PFN1: variants seen among roughly 807,000 people sequenced by gnomAD.
PFN1 encodes profilin-1.
PFN1 carries 2 observed loss-of-function variants against 11.7 expected under a neutral mutation model. The ratio of observed to expected loss-of-function variants is 0.17; its 90% CI spans 0.07 to 0.54. The LOEUF (loss-of-function observed/expected upper bound fraction) is 0.54, where lower values mean the gene tolerates loss of function less well. Among genes scored for constraint, PFN1 ranks in the 20% least tolerant of loss-of-function variants. PFN1 has a pLI of 0.94. For missense variants in PFN1, 97 were observed against 188.4 expected (o/e 0.51, Z 2.84); for synonymous variants, 78 against 76.2 (o/e 1.02, Z -0.12).
chr17:4,946,535 G>T, intron 2 of PFN1, 93 bp downstream of exon 2: 1 of 940,460 alleles, frequency 1.1e-6, no homozygotes. Context: ...CCTTCATGTT[G>T]GGGAATCACA....
At chr17:4,946,052 C>G in intron 2 of PFN1, 55 bp from the exon 3 acceptor site, 3 of 1,323,970 alleles carry the variant, frequency 2.3e-6, no homozygotes, top group Non-Finnish European at 3.3e-6. Context: ...CAATTCCACC[C>G]CCTGCCAGCT....
chr17:4,948,126 C>A (rs1389002895), intron 1 of PFN1, 137 bp downstream of exon 1: 4 of 1,020,488 alleles, frequency 3.9e-6, no homozygotes, highest in Non-Finnish European at 5.4e-6. Context: ...GTGCAGCCGC[C>A]ATTCGCGCCG....
At chr17:4,947,997 C>G (rs1971443624) in intron 1 of PFN1, 2 of 373,772 alleles carry the variant, frequency 5.4e-6, no homozygotes, top group African/African-American at 4.2e-5. Context: ...CCGGGCGCCG[C>G]GCCCCTCCCC....
Position 4,945,828 on chromosome 17 carries a change from G to A in PFN1, c.*72C>T. 1 of 1,026,762 alleles carries A rather than the reference G, an allele frequency of 9.7e-7. No individual in the cohort carries two copies. The highest frequency in any genetic ancestry group is 1.3e-5 in the South Asian group (1 of 78,122). 63.6% of individuals were successfully genotyped at this position (1,026,762 alleles called of 1,614,324 possible). ...GGGGTAATGGCCCAAAAAATAAAAT[G>A]GTTTGTGTGTGTATGGGGAGGAAAG... On this transcript the variant is annotated 3_prime_UTR_variant, in exon 3 of 3. Coordinates refer to ENST00000225655, the MANE Select transcript of PFN1 (RefSeq NM_005022.4).
At chr17:4,948,031 C>G in intron 1 of PFN1, 1 of 456,826 alleles carries the variant, frequency 2.2e-6, no homozygotes, top group Non-Finnish European at 3.8e-6. Flanking sequence ...GATGTAACGC[C>G]CCGTCGCGGA....
intron 2 of PFN1, 75 bp downstream of exon 2, chr17:4,946,553 G>A: frequency 7.9e-7 from 1 of 1,259,164 alleles, no homozygotes; most frequent in Non-Finnish European, 1.1e-6. Context: ...ACACAAAAAA[G>A]CACCCTCAAG....
chr17:4,947,690 G>A (rs1971434258), intron 1 of PFN1, among the ~76,000 whole-genome samples: 1 of 152,144 alleles, frequency 6.6e-6, no homozygotes, highest in Non-Finnish European at 1.5e-5. Context: ...TTCCGGGATT[G>A]GCCTCGCAGG....
At chr17:4,948,149 G>GCACC in intron 1 of PFN1, 114 bp downstream of exon 1, 1 of 1,257,026 alleles carries the variant, frequency 8.0e-7, no homozygotes, top group Admixed American at 2.9e-5. Flanking sequence ...TCCAGGGCAA[G>GCACC]CACCCAGTCA....
chr17:4,946,488 C>T (rs1321591387), intron 2 of PFN1, 140 bp downstream of exon 2: 17 of 648,594 alleles, frequency 2.6e-5, no homozygotes, highest in Non-Finnish European at 3.7e-5. Context: ...CGTGTTCCAG[C>T]ATCCAGCAGA....
At position 4,945,831 on chromosome 17, in the gene PFN1, TTG is replaced by T. The variant is rs1470503988; in HGVS notation, c.*67_*68del. 8 of 1,041,526 alleles carry T rather than the reference TTG, an allele frequency of 7.7e-6. No individual in the cohort carries two copies. Among genetic ancestry groups the T allele is most frequent in the Non-Finnish European group, 1.2e-5 (8 of 662,544 alleles). The allele number at this position is 1,041,526 out of a possible 1,614,324, so 64.5% of individuals were successfully genotyped here. On this transcript the variant is annotated 3_prime_UTR_variant, in exon 3 of 3. Coordinates refer to ENST00000225655, the MANE Select transcript of PFN1 (RefSeq NM_005022.4). Reference sequence around the variant, plus strand: ...GTAATGGCCCAAAAAATAAAATGGTTTGTGTGTGTATGGGGAGGAAAGGGGTG... The same window carrying T: ...GTAATGGCCCAAAAAATAAAATGGTTTGTGTGTATGGGGAGGAAAGGGGTG...
intron 2 of PFN1, among the ~76,000 whole-genome samples, chr17:4,946,361 ACTC>A (rs779985402): frequency 2.6e-5 from 4 of 151,946 alleles, no homozygotes; most frequent in Admixed American, 2.6e-4. Flanking sequence ...ATCTACCTAT[ACTC>A]CTAGAAAACA....
intron 1 of PFN1, among the ~76,000 whole-genome samples, chr17:4,947,705 T>C (rs1971434819): frequency 6.6e-6 from 1 of 152,062 alleles, no homozygotes; most frequent in Non-Finnish European, 1.5e-5. Context: ...CGCAGGAATG[T>C]TGAATCCAAC....
intron 1 of PFN1, 117 bp downstream of exon 1, chr17:4,948,146 C>T: frequency 8.1e-7 from 1 of 1,242,224 alleles, no homozygotes; most frequent in South Asian, 1.6e-5. Context: ...GCTTCCAGGG[C>T]AAGCACCCAG....
rs767404914 is a variant in PFN1 at position 4,948,253 on chromosome 17, C to T, written c.132+10G>A. On this transcript the variant is annotated intron_variant, in intron 1 of 2. Coordinates refer to ENST00000225655, the MANE Select transcript of PFN1 (RefSeq NM_005022.4). ...GAGCAGTGCCCCGGACCGCGCAGGC[C>T]TCGCAGTACCGTGATGTTGACGAAC... is the stretch of plus-strand genomic sequence containing the variant. 3 of 1,598,238 alleles carry T rather than the reference C, an allele frequency of 1.9e-6. No homozygotes were observed. The highest frequency in any genetic ancestry group is 2.6e-6 in the Non-Finnish European group (3 of 1,173,520).
In PFN1 at chr17:4,947,801, A is replaced by G. The variant is rs16954291; in HGVS notation, c.132+462T>C. Among the ~76,000 whole-genome samples, 123 of 152,194 alleles carry G rather than the reference A, an allele frequency of 8.1e-4. 4 individuals carry two copies. In the East Asian group the frequency reaches 0.024, roughly 30 times the overall value. On this transcript the variant is annotated intron_variant, in intron 1 of 2. Transcript: ENST00000225655. ...GAAGCCCACAGAGGGTGGGCAAGGG[A>G]CCAAGACCACGCGCCTGGGGCTCCC...
At chr17:4,946,887 G>C in intron 1 of PFN1, 67 bp from the exon 2 acceptor site, 1 of 1,446,044 alleles carries the variant, frequency 6.9e-7, no homozygotes, top group Non-Finnish European at 9.5e-7. Flanking sequence ...GTTCTCCAAA[G>C]ACCCACCTGT....
intron 2 of PFN1, 68 bp downstream of exon 2, chr17:4,946,559 TC>T: frequency 7.4e-7 from 1 of 1,349,644 alleles, no homozygotes; most frequent in East Asian, 2.3e-5. Context: ...AAAAGCACCC[TC>T]AAGATTACCA....
Position 4,947,896 on chromosome 17 carries a change from G to A in PFN1, c.132+367C>T, listed in dbSNP as rs1971440935. Among the ~76,000 whole-genome samples, 3 of 152,270 alleles carry A rather than the reference G, an allele frequency of 2.0e-5. No individual in the cohort carries two copies. In the South Asian group the frequency reaches 6.2e-4, roughly 32 times the overall value. On this transcript the variant is annotated intron_variant, in intron 1 of 2. Coordinates refer to ENST00000225655, the MANE Select transcript of PFN1 (RefSeq NM_005022.4). ...CCGGACGGGGAGCTGGGGGTCCAAG[G>A]ATCCCCGGGTCCCCTCTCAATCCCA...
chr17:4,945,742 G>A lies in PFN1; in HGVS notation c.*158C>T, dbSNP rs1033933701. The A allele has an allele frequency of 5.3e-6, 3 of 571,302 alleles. No individual in the cohort carries two copies. The highest frequency in any genetic ancestry group is 3.8e-5 in the African/African-American group (2 of 52,880). The allele number at this position is 571,302 out of a possible 1,614,324, so 35.4% of individuals were successfully genotyped here. A position where few individuals can be genotyped will look rare whatever the true frequency, so the allele number is the denominator to read the frequency against. On this transcript the variant is annotated 3_prime_UTR_variant, in exon 3 of 3. Transcript: ENST00000225655. Reference sequence around the variant, plus strand: ...CACGGGAGGGATATGGGTAGGGGGAGGTGTCTGTCCATCCAGCCCTGGCCC... The same window carrying A: ...CACGGGAGGGATATGGGTAGGGGGAAGTGTCTGTCCATCCAGCCCTGGCCC...
Sources: allele counts gnomAD v4.1 joint callset (sites outside exome capture counted in the v4.1 genomes callset), GRCh38; gene constraint gnomAD v4.1.1; transcripts MANE v1.5; gene names NCBI Gene and HGNC (gene_info 2026-07-23, HGNC 2026-07-21).